The following HDAC8 variants were observed in gnomAD, a reference collection of about 807,000 sequenced individuals.
HDAC8 encodes histone deacetylase-like 1.
Under a neutral mutation model 32.2 loss-of-function variants are expected in HDAC8, and 1 was observed. The ratio of observed to expected loss-of-function variants is 0.03; its 90% CI spans 0.01 to 0.15. The LOEUF is 0.15. HDAC8 is among the 10% of genes least tolerant of loss of function. The probability of loss-of-function intolerance (pLI) is 1.00; values close to 1 mark genes in which losing one functional copy is unlikely to be tolerated. For missense variants in HDAC8, 117 were observed against 300.0 expected, an observed-to-expected ratio of 0.39 and a Z score of 4.51; for synonymous variants, 108 against 113.9, an observed-to-expected ratio of 0.95 and a Z score of 0.33.
chrX:72,440,597 G>A (rs193227270), intron 9 of HDAC8, among the ~76,000 whole-genome samples: 9 of 112,080 alleles, frequency 8.0e-5, no homozygotes, highest in East Asian at 2.8e-4. Flanking sequence ...AATAAAGAGC[G>A]TGAGCGACGC....
chrX:72,372,728 T>C (rs1555956833), intron 9 of HDAC8, among the ~76,000 whole-genome samples: 1 of 111,854 alleles, frequency 8.9e-6, no homozygotes, highest in Non-Finnish European at 1.9e-5. Flanking sequence ...TACCATTTGC[T>C]AGCTGTATAA....
At chrX:72,504,742 T>C (rs1309169065) in intron 4 of HDAC8, among the ~76,000 whole-genome samples, 1 of 112,438 alleles carries the variant, frequency 8.9e-6, no homozygotes, top group Non-Finnish European at 1.9e-5. Flanking sequence ...GGTCATATAG[T>C]AATTCTATGT....
intron 4 of HDAC8, among the ~76,000 whole-genome samples, chrX:72,535,841 C>T (rs192144717): frequency 1.2e-4 from 13 of 111,694 alleles, no homozygotes; most frequent in East Asian, 2.8e-4. Flanking sequence ...AATTTGGTAA[C>T]GGCACATCTT....
intron 9 of HDAC8, among the ~76,000 whole-genome samples, chrX:72,430,991 G>A (rs1412219339): frequency 8.9e-6 from 1 of 111,800 alleles, no homozygotes; most frequent in African/African-American, 3.3e-5. Flanking sequence ...CTTACACTGA[G>A]TCCAAGTGCT....
intron 10 of HDAC8, among the ~76,000 whole-genome samples, chrX:72,342,019 A>C (rs2043899738): frequency 8.9e-6 from 1 of 111,934 alleles, no homozygotes; most frequent in Admixed American, 9.5e-5. Context: ...TGATGTTTCC[A>C]TTTTATGGCC....
At chrX:72,540,151 C>T (rs1164506916) in intron 4 of HDAC8, among the ~76,000 whole-genome samples, 1 of 112,174 alleles carries the variant, frequency 8.9e-6, no homozygotes, top group Non-Finnish European at 1.9e-5. Flanking sequence ...CTCTTTTCCT[C>T]CTCTTGCCTA....
chrX:72,465,874 G>T (rs1414747593), intron 7 of HDAC8, among the ~76,000 whole-genome samples: 1 of 111,576 alleles, frequency 9.0e-6, no homozygotes, highest in Non-Finnish European at 1.9e-5. Context: ...ATTGAATAGT[G>T]CTCACCCACA....
chrX:72,330,804 T>A (rs2043496213), intron 10 of HDAC8: 1 of 111,339 alleles, frequency 9.0e-6, no homozygotes, highest in Non-Finnish European at 1.9e-5. Context: ...GGGCAGGGCC[T>A]GGCTGTCTTA....
intron 8 of HDAC8, among the ~76,000 whole-genome samples, chrX:72,463,569 A>G (rs2047926118): frequency 8.9e-6 from 1 of 111,918 alleles, no homozygotes; most frequent in Admixed American, 9.5e-5. Flanking sequence ...GTAATATGTC[A>G]CACAGTACTT....
chrX:72,572,125 TAAA>T lies in HDAC8; in HGVS notation c.112-19_112-17del, dbSNP rs3830710. On this transcript the variant is annotated splice_polypyrimidine_tract_variant and intron_variant, in intron 1 of 10. Coordinates refer to ENST00000373573, the MANE Select transcript of HDAC8 (RefSeq NM_018486.3). ...CCATACTGGCCTAAAAACATCAGCGTAAAAAAAAAAAAAGAAAAGCAGAAATAG... is the reference window on the plus strand; with the variant it reads ...CCATACTGGCCTAAAAACATCAGCGTAAAAAAAAAAGAAAAGCAGAAATAG... 55 of 988,665 alleles carry T rather than the reference TAAA, an allele frequency of 5.6e-5. No homozygotes were observed. Among genetic ancestry groups the T allele is most frequent in the Admixed American group, 3.3e-4 (10 of 30,664 alleles). 81.5% of individuals were successfully genotyped at this position (988,665 alleles called of 1,213,427 possible).
intron 7 of HDAC8, among the ~76,000 whole-genome samples, chrX:72,466,107 A>G (rs1201993203): frequency 8.9e-6 from 1 of 112,200 alleles, no homozygotes; most frequent in East Asian, 2.8e-4. Flanking sequence ...GAGCATCTAC[A>G]TGTACAGAGC....
chrX:72,485,931 C>T (rs1434945626), intron 7 of HDAC8, among the ~76,000 whole-genome samples: 1 of 110,080 alleles, frequency 9.1e-6, no homozygotes, highest in Non-Finnish European at 1.9e-5. Flanking sequence ...ACCATAGTGG[C>T]TAACACGGTG....
At chrX:72,489,491 A>G (rs1556007901) in intron 6 of HDAC8, among the ~76,000 whole-genome samples, 1 of 111,694 alleles carries the variant, frequency 9.0e-6, no homozygotes, top group Non-Finnish European at 1.9e-5. Context: ...GAGAAAAACA[A>G]TCAATGGGGA....
At chrX:72,559,689 C>A (rs1283072102) in intron 4 of HDAC8, among the ~76,000 whole-genome samples, 2 of 109,506 alleles carry the variant, frequency 1.8e-5, no homozygotes, top group African/African-American at 6.6e-5. Context: ...GCCACCCCGT[C>A]TGGGATGTGA....
At chrX:72,527,929 C>T (rs782457048) in intron 4 of HDAC8, among the ~76,000 whole-genome samples, 3 of 109,633 alleles carry the variant, frequency 2.7e-5, no homozygotes, top group African/African-American at 1.0e-4. Context: ...GTGTGCACCA[C>T]CATGCCCGGC....
chrX:72,428,469 T>C (rs1330592371), intron 9 of HDAC8, among the ~76,000 whole-genome samples: 1 of 112,160 alleles, frequency 8.9e-6, no homozygotes, highest in Non-Finnish European at 1.9e-5. Flanking sequence ...TGACACATAG[T>C]AGTCATTTAA....
At chrX:72,347,343 CCCCCTT>C (rs1262618505) in intron 10 of HDAC8, among the ~76,000 whole-genome samples, 2 of 111,758 alleles carry the variant, frequency 1.8e-5, no homozygotes, top group Admixed American at 9.5e-5. Flanking sequence ...TCTTCTGCCT[CCCCCTT>C]CCCTCCTCCT....
intron 9 of HDAC8, among the ~76,000 whole-genome samples, chrX:72,355,201 A>G (rs1371662632): frequency 1.5e-4 from 17 of 112,225 alleles, no homozygotes; most frequent in African/African-American, 5.5e-4. Context: ...AGGAAATATG[A>G]TCACGTAAGG....
intron 4 of HDAC8, among the ~76,000 whole-genome samples, chrX:72,561,520 T>C (rs2051562343): frequency 8.9e-6 from 1 of 112,023 alleles, no homozygotes; most frequent in South Asian, 3.7e-4. Flanking sequence ...TCTCACCTTA[T>C]CAAAAAATCA....
Sources: gnomAD v4.1 joint callset for allele counts (sites outside exome capture counted in the v4.1 genomes callset) on GRCh38, gnomAD v4.1.1 for gene constraint, MANE v1.5 for transcripts, NCBI Gene and HGNC (gene_info 2026-07-23, HGNC 2026-07-21) for gene names.